Variants in TNIP1 observed in about 807,000 individuals in gnomAD.
TNIP1 encodes the protein TNFAIP3 interacting protein 1.
A neutral mutation model predicts 86.6 loss-of-function variants in TNIP1; 22 were observed. The observed-to-expected ratio is 0.25, with a 90% CI of 0.18 to 0.36. The LOEUF (loss-of-function observed/expected upper bound fraction) is 0.36, where lower values mean the gene tolerates loss of function less well. Among genes scored for constraint, TNIP1 ranks in the 10% least tolerant of loss-of-function variants. The probability of loss-of-function intolerance (pLI) is 1.00; values close to 1 mark genes in which losing one functional copy is unlikely to be tolerated. For synonymous variants in TNIP1, 294 were observed against 313.0 expected (o/e 0.94, Z 0.64); for missense variants, 709 against 820.6 (o/e 0.86, Z 1.66).
At chr5:151,076,295 C>T (rs774355724) in intron 1 of TNIP1, among the ~76,000 whole-genome samples, 1 of 152,180 alleles carries the variant, frequency 6.6e-6, no homozygotes, top group Admixed American at 6.5e-5. Flanking sequence ...GCCTGGATAC[C>T]CTCCCTACAG....
chr5:151,036,889 C>G lies in TNIP1; in HGVS notation c.1296G>C (p.Pro432=). 1 of 1,611,774 alleles carries G rather than the reference C, an allele frequency of 6.2e-7. No homozygotes were observed. The highest frequency in any genetic ancestry group is 8.5e-7 in the Non-Finnish European group (1 of 1,178,806). Residue 432 remains proline (P), a synonymous_variant, in exon 13 of 18, where the codon CCG becomes CCC. Transcript: ENST00000521591. ...CAAATGCTGTTGGTGGAGATGATGGCGGGGTTTGGATGCTCAGTGCTTCCT... is the reference window on the plus strand; with the variant it reads ...CAAATGCTGTTGGTGGAGATGATGGGGGGGTTTGGATGCTCAGTGCTTCCT... ...ALEEALSIQT[P]PSSPPTAFGS...
chr5:151,072,025 A>G (rs779245619), intron 1 of TNIP1, among the ~76,000 whole-genome samples: 2 of 152,214 alleles, frequency 1.3e-5, no homozygotes, highest in Non-Finnish European at 2.9e-5. Flanking sequence ...ATTATCATCC[A>G]CACTTTCCAG....
At chr5:151,062,986 C>A (rs1761775165) in intron 3 of TNIP1, among the ~76,000 whole-genome samples, 1 of 152,226 alleles carries the variant, frequency 6.6e-6, no homozygotes, top group Admixed American at 6.5e-5. Flanking sequence ...GGTCCCAGAC[C>A]TTACCCTGGA....
rs151299745 is a variant in TNIP1 at position 151,035,670 on chromosome 5, C to T, written c.1433G>A (p.Ser478Asn). The change falls in exon 14 of 18, where the codon AGT becomes AAT. Residue 478 changes from serine to asparagine, a missense_variant. Ser to Asn is a conservative substitution (Grantham distance 46). Transcript: ENST00000521591. ...IFEEDFQRER[S>N]DRERMNEEKE... ...CTCCTCATTCATGCGCTCACGATCA[C>T]TGCGCTCCCTCTGGAAGTCCTCCTC... The T allele has an allele frequency of 2.4e-5, 38 of 1,614,054 alleles. No homozygotes were observed. In the African/African-American group the frequency reaches 4.5e-4, roughly 19 times the overall value.
At chr5:151,031,226 G>A (rs1384853876) in intron 17 of TNIP1, among the ~76,000 whole-genome samples, 2 of 152,126 alleles carry the variant, frequency 1.3e-5, no homozygotes, top group Admixed American at 6.5e-5. Context: ...CCCCTCCAAG[G>A]TGTCCGTCCC....
Position 151,052,237 on chromosome 5 carries a change from T to C in TNIP1, c.650A>G (p.Lys217Arg), listed in dbSNP as rs1401809974. Residue 217 changes from lysine to arginine, a missense_variant, in exon 7 of 18, where the codon AAG (lysine) becomes AGG (arginine). Transcript: ENST00000521591. Reference sequence around the variant, plus strand: ...CTTGGCCTTCAGAGCCTCGTTCTCCTTCCGAAGCTGCTCACACAGGGTCTG... The same window carrying C: ...CTTGGCCTTCAGAGCCTCGTTCTCCCTCCGAAGCTGCTCACACAGGGTCTG... The part of the protein sequence containing the change: ...ILQTLCEQLR[K>R]ENEALKAKLD... 1 of 1,614,028 alleles carries C rather than the reference T, an allele frequency of 6.2e-7. No individual in the cohort carries two copies. Among genetic ancestry groups the C allele is most frequent in the African/African-American group, 1.3e-5 (1 of 75,026 alleles).
At position 151,061,400 on chromosome 5, in the gene TNIP1, C is replaced by T. The variant is rs150748452; in HGVS notation, c.357+727G>A. Among the ~76,000 whole-genome samples, 68 of 152,278 alleles carry T rather than the reference C, an allele frequency of 4.5e-4. No individual in the cohort carries two copies. The East Asian group carries it at 0.012, about 28-fold the overall frequency. ...CAGAACAGGTCCTTCTTTCCCTGCA[C>T]CTGATCTGTAGGATAAGGATGCTGA... On this transcript the variant is annotated intron_variant, in intron 4 of 17. Coordinates refer to ENST00000521591, the MANE Select transcript of TNIP1 (RefSeq NM_006058.5).
At chr5:151,073,684 A>C (rs755886063) in intron 1 of TNIP1, among the ~76,000 whole-genome samples, 17 of 151,736 alleles carry the variant, frequency 1.1e-4, no homozygotes, top group Non-Finnish European at 2.2e-4. Flanking sequence ...GCTTGAGGCC[A>C]GGGGTTCAAG....
intron 1 of TNIP1, among the ~76,000 whole-genome samples, chr5:151,067,954 C>A (rs1176207209): frequency 6.6e-6 from 1 of 152,210 alleles, no homozygotes; most frequent in Non-Finnish European, 1.5e-5. Context: ...GATGTGGGAA[C>A]TGAAACCCAC....
chr5:151,059,864 T>TGCGC (rs1761288984), intron 5 of TNIP1, among the ~76,000 whole-genome samples: 12 of 98,680 alleles, frequency 1.2e-4, no homozygotes, highest in African/African-American at 1.6e-4. Flanking sequence ...TGTGTGTGTG[T>TGCGC]GTGCGCGCGC....
In TNIP1 at chr5:151,030,621, G is replaced by C; in HGVS notation, c.*92C>G. The C allele has an allele frequency of 6.3e-7, 1 of 1,597,690 alleles. No individual in the cohort carries two copies. The highest frequency in any genetic ancestry group is 8.5e-7 in the Non-Finnish European group (1 of 1,170,094). On this transcript the variant is annotated 3_prime_UTR_variant, in exon 18 of 18. Coordinates refer to ENST00000521591, the MANE Select transcript of TNIP1 (RefSeq NM_006058.5). ...AGCCTCTCATCCAGCTGAGGCTCTGGCCACACCGTGCAAGTGGCTTCTAGT... is the reference window on the plus strand; with the variant it reads ...AGCCTCTCATCCAGCTGAGGCTCTGCCCACACCGTGCAAGTGGCTTCTAGT...
At chr5:151,039,508 C>T (rs1758146345) in intron 11 of TNIP1, among the ~76,000 whole-genome samples, 1 of 152,216 alleles carries the variant, frequency 6.6e-6, no homozygotes, top group Admixed American at 6.5e-5. Context: ...GCTGAGACCC[C>T]TGGCACTGCC....
intron 5 of TNIP1, among the ~76,000 whole-genome samples, chr5:151,059,852 TGTGTGTGTGTGTGTGC>T (rs781388892): frequency 2.1e-4 from 21 of 101,858 alleles, no homozygotes; most frequent in Admixed American, 4.2e-4. Flanking sequence ...TGTGTGTGTG[TGTGTGTGTGTGTGTGC>T]GCGCGCGCGC....
chr5:151,033,178 AAGAGG>A (rs1757140063), intron 16 of TNIP1, among the ~76,000 whole-genome samples: 1 of 139,638 alleles, frequency 7.2e-6, no homozygotes, highest in South Asian at 2.7e-4. Flanking sequence ...AGGAGAGAAG[AAGAGG>A]AGGGGAGGGG....
chr5:151,034,277 C>T lies in TNIP1; in HGVS notation c.1588-478G>A, dbSNP rs116200461. ...GCTAGTACATGGGCACAGAAGGCTG[C>T]TACATGGGCAGTGAAGGCTGGTACA... is the stretch of plus-strand genomic sequence containing the variant. On this transcript the variant is annotated intron_variant, in intron 15 of 17. Coordinates refer to ENST00000521591, the MANE Select transcript of TNIP1 (RefSeq NM_006058.5). Among the ~76,000 whole-genome samples the T allele has an allele frequency of 8.0e-3, 822 of 103,216 alleles. 6 individuals carry two copies. The highest frequency in any genetic ancestry group is 0.03 in the African/African-American group (785 of 26,386). 67.7% of individuals were successfully genotyped at this position (103,216 alleles called of 152,430 possible).
In TNIP1 at chr5:151,066,607, C is replaced by T. The variant is rs116545705; in HGVS notation, c.-36-1476G>A. Among the ~76,000 whole-genome samples, 507 of 152,358 alleles carry T rather than the reference C, an allele frequency of 3.3e-3. 3 individuals carry two copies. Among genetic ancestry groups the T allele is most frequent in the African/African-American group, 0.011 (475 of 41,576 alleles). ...AACAGCAACACCACCATGCTTGAAT[C>T]GCCTCCTTGTCAGGCACTGCATTAA... On this transcript the variant is annotated intron_variant, in intron 1 of 17. Coordinates refer to ENST00000521591, the MANE Select transcript of TNIP1 (RefSeq NM_006058.5).
intron 11 of TNIP1, among the ~76,000 whole-genome samples, chr5:151,041,051 G>A (rs1026856093): frequency 6.6e-6 from 1 of 150,610 alleles, no homozygotes; most frequent in Non-Finnish European, 1.5e-5. Flanking sequence ...TCTGATCTCT[G>A]TAACTTCTTC....
At chr5:151,072,896 TA>T (rs1445023484) in intron 1 of TNIP1, among the ~76,000 whole-genome samples, 2 of 152,204 alleles carry the variant, frequency 1.3e-5, no homozygotes, top group Admixed American at 6.5e-5. Context: ...CATGTATGCC[TA>T]ACTGGTGAGA....
chr5:151,050,968 C>T (rs576930954), intron 7 of TNIP1, among the ~76,000 whole-genome samples: 19 of 152,320 alleles, frequency 1.2e-4, no homozygotes, highest in Admixed American at 9.2e-4. Flanking sequence ...TGAGCCACAA[C>T]GCCCAACCAC....
Sources: allele counts gnomAD v4.1 joint callset (sites outside exome capture counted in the v4.1 genomes callset), GRCh38; gene constraint gnomAD v4.1.1; transcripts MANE v1.5; gene names NCBI Gene and HGNC (gene_info 2026-07-23, HGNC 2026-07-21).